DYNC2H1: variants seen among roughly 807,000 people sequenced by gnomAD.
DYNC2H1 encodes the protein cytoplasmic dynein 2 heavy chain 1.
A neutral mutation model predicts 570.0 loss-of-function variants in DYNC2H1; 410 were observed. That is an observed-to-expected ratio of 0.72 (90% CI 0.66 to 0.78). DYNC2H1 has a LOEUF of 0.78. Ranked by LOEUF, DYNC2H1 falls within the 30% of genes least tolerant of loss-of-function variation. The pLI, the probability that DYNC2H1 is intolerant of heterozygous loss-of-function variation, is 0.00. For missense variants in DYNC2H1, 4,865 were observed against 5,046.4 expected, an observed-to-expected ratio of 0.96 and a Z score of 1.09; for synonymous variants, 1,688 against 1,677.6, an observed-to-expected ratio of 1.01 and a Z score of -0.15.
At position 103,395,530 on chromosome 11, in the gene DYNC2H1, C is replaced by T. The variant is rs1429848442; in HGVS notation, c.12157-4133C>T. The stretch of plus-strand genomic sequence containing the variant: ...ACACACACACACTTCTCTGTATTGG[C>T]ACCATTTTTCATACAGCATCTCTTT... On this transcript the variant is annotated intron_variant, in intron 83 of 88. Transcript: ENST00000375735. This position sits in a 1 kb window ranked among gnomAD's most constrained non-coding sequence, Gnocchi z 4.3. Among the ~76,000 whole-genome samples, 1 of 151,592 alleles carries T rather than the reference C, an allele frequency of 6.6e-6. No individual in the cohort carries two copies. Among genetic ancestry groups the T allele is most frequent in the South Asian group, 2.1e-4 (1 of 4,818 alleles).
chr11:103,427,785 ATAT>A (rs1306353370), intron 84 of DYNC2H1, among the ~76,000 whole-genome samples: 7 of 152,038 alleles, frequency 4.6e-5, no homozygotes, highest in Non-Finnish European at 1.0e-4. Context: ...TTGCCTCCTA[ATAT>A]TATCACATTG....
chr11:103,378,238 C>T (rs1410434666), intron 83 of DYNC2H1, among the ~76,000 whole-genome samples: 6 of 152,164 alleles, frequency 3.9e-5, no homozygotes, highest in Admixed American at 3.9e-4. Context: ...ACACAGGCAA[C>T]AGAGTATATT....
Position 103,286,264 on chromosome 11 carries a change from C to G in DYNC2H1, c.10900C>G (p.Pro3634Ala). ...CATTTTTATTTTTTAGATTGCTCTC[C>G]CCAGTCTTTATCAGACCCTCTGCTT... ...WAVATLKIAL[P>A]SLYQTLCFED... The change falls in exon 74 of 89, where the codon CCC (proline) becomes GCC (alanine). Residue 3634 changes from proline (P) to alanine (A), a missense_variant. Pro to Ala is a conservative substitution (Grantham distance 27). This residue lies in a region of DYNC2H1 where 2,401 missense variants were observed against 2,454.6 expected (regional missense o/e 0.98). Coordinates refer to ENST00000375735, the MANE Select transcript of DYNC2H1 (RefSeq NM_001377.3). 1 of 1,613,218 alleles carries G rather than the reference C, an allele frequency of 6.2e-7. No homozygotes were observed. The highest frequency in any genetic ancestry group is 8.5e-7 in the Non-Finnish European group (1 of 1,179,676).
At chr11:103,235,634 T>C (rs1864189637) in intron 61 of DYNC2H1, 38 bp from the exon 62 acceptor site, 2 of 1,566,642 alleles carry the variant, frequency 1.3e-6, no homozygotes, top group Non-Finnish European at 1.7e-6. Flanking sequence ...TAGAACATAC[T>C]CATATATCTC....
chr11:103,165,425 G>T lies in DYNC2H1; in HGVS notation c.4612-473G>T, dbSNP rs74855729. Among the ~76,000 whole-genome samples, 297 of 152,240 alleles carry T rather than the reference G, an allele frequency of 2.0e-3. 5 individuals carry two copies. The East Asian group carries it at 0.035, about 18-fold the overall frequency. ...ATTACAGGCGTGAGCCACCGCACCC[G>T]GCCAAGGCAGATCTTAGTTTAGGAG... On this transcript the variant is annotated intron_variant, in intron 30 of 88. Coordinates refer to ENST00000375735, the MANE Select transcript of DYNC2H1 (RefSeq NM_001377.3).
At chr11:103,478,790 CTACTGTGTGATAA>C (rs1945648715) in intron 88 of DYNC2H1, among the ~76,000 whole-genome samples, 1 of 152,022 alleles carries the variant, frequency 6.6e-6, no homozygotes, top group African/African-American at 2.4e-5. Flanking sequence ...TGGTAGTTTT[CTACTGTGTGATAA>C]TACATGGTTC....
chr11:103,403,564 C>T (rs912548916), intron 84 of DYNC2H1: 9 of 152,038 alleles, frequency 5.9e-5, no homozygotes, highest in African/African-American at 2.4e-5. Context: ...AGGTATAAAA[C>T]CGTGGTTAGA....
At chr11:103,197,132 GT>G (rs140092366) in intron 47 of DYNC2H1, among the ~76,000 whole-genome samples, 50 of 149,218 alleles carry the variant, frequency 3.4e-4, no homozygotes, top group African/African-American at 5.6e-4. Context: ...AATTTGGTCA[GT>G]TTTTTTTTTA....
At chr11:103,450,205 T>G (rs1322512010) in intron 85 of DYNC2H1, among the ~76,000 whole-genome samples, 1 of 152,000 alleles carries the variant, frequency 6.6e-6, no homozygotes, top group African/African-American at 2.4e-5. Context: ...TGAAAATAAA[T>G]GAAGCAAAAC....
chr11:103,221,631 A>G (rs1336564675), intron 57 of DYNC2H1, among the ~76,000 whole-genome samples: 1 of 152,140 alleles, frequency 6.6e-6, no homozygotes, highest in East Asian at 1.9e-4. Context: ...TTGGGAGGCC[A>G]AGGCACTTTA....
At chr11:103,307,028 C>A (rs1368230032) in intron 77 of DYNC2H1, among the ~76,000 whole-genome samples, 1 of 152,036 alleles carries the variant, frequency 6.6e-6, no homozygotes, top group Non-Finnish European at 1.5e-5. Context: ...AGAAGATATT[C>A]CACTAAGACA....
chr11:103,396,937 C>T (rs1942423239), intron 83 of DYNC2H1, among the ~76,000 whole-genome samples: 1 of 152,044 alleles, frequency 6.6e-6, no homozygotes, highest in Non-Finnish European at 1.5e-5. Flanking sequence ...TACACATGGA[C>T]ATACAAAGTG....
chr11:103,413,939 TTTTTC>T (rs1403714764), intron 84 of DYNC2H1, among the ~76,000 whole-genome samples: 1 of 152,184 alleles, frequency 6.6e-6, no homozygotes, highest in Non-Finnish European at 1.5e-5. Flanking sequence ...TTGTTTGTCC[TTTTTC>T]ATTCATTTAG....
chr11:103,236,252 C>A (rs1864214364), intron 62 of DYNC2H1, among the ~76,000 whole-genome samples, 178 bp from the exon 63 acceptor site: 1 of 151,874 alleles, frequency 6.6e-6, no homozygotes, highest in African/African-American at 2.4e-5. Flanking sequence ...CATTCCTTTG[C>A]ACTTTTTGTT....
chr11:103,478,810 G>C (rs1045400230), intron 88 of DYNC2H1, among the ~76,000 whole-genome samples: 1 of 151,664 alleles, frequency 6.6e-6, no homozygotes, highest in African/African-American at 2.4e-5. Context: ...ATAATACATG[G>C]TTCTATTTTA....
At position 103,419,037 on chromosome 11, in the gene DYNC2H1, G is replaced by A. The variant is rs149744793; in HGVS notation, c.12367-16906G>A. On this transcript the variant is annotated intron_variant, in intron 84 of 88. Transcript: ENST00000375735. ...GGCTGAATTCAGGGAGCCAAGCAGC[G>A]TCATTCTGCAGGGCCCACTTCCATG... Among the ~76,000 whole-genome samples, 1,031 of 152,262 alleles carry A rather than the reference G, an allele frequency of 6.8e-3. 13 individuals are homozygous for A. The highest frequency in any genetic ancestry group is 0.023 in the African/African-American group (968 of 41,556).
rs1027155521 is a variant in DYNC2H1 at position 103,419,297 on chromosome 11, C to T, written c.12367-16646C>T. On this transcript the variant is annotated intron_variant, in intron 84 of 88. Transcript: ENST00000375735. The stretch of plus-strand genomic sequence containing the variant: ...TCTACAAAAATGAGCCAGACTGATT[C>T]TTTAAGTGGTTCCGTGATCCCATTC... Among the ~76,000 whole-genome samples the T allele has an allele frequency of 3.3e-5, 5 of 152,208 alleles. No individual in the cohort carries two copies. In the South Asian group the frequency reaches 6.2e-4, roughly 19 times the overall value.
intron 84 of DYNC2H1, chr11:103,406,496 C>T (rs1942868793): frequency 6.6e-6 from 1 of 151,778 alleles, no homozygotes; most frequent in Admixed American, 6.6e-5. Flanking sequence ...GGAGGTAAAT[C>T]TCCTAGGGAT....
intron 46 of DYNC2H1, 53 bp from the exon 47 acceptor site, chr11:103,192,044 A>G (rs1214171115): frequency 6.1e-6 from 8 of 1,319,454 alleles, no homozygotes; most frequent in Admixed American, 2.3e-5. Context: ...TATGTTAAAC[A>G]TATTATTTAA....
Sources: gnomAD v4.1 joint callset for allele counts (sites outside exome capture counted in the v4.1 genomes callset) on GRCh38, gnomAD v4.1.1 for gene constraint, gnomAD v4.1.1 regional missense constraint, Gnocchi (gnomAD v3.1) non-coding constraint, MANE v1.5 for transcripts, NCBI Gene and HGNC (gene_info 2026-07-23, HGNC 2026-07-21) for gene names.